The following CBL variants were observed in gnomAD, a reference collection of about 807,000 sequenced individuals.
CBL encodes the protein E3 ubiquitin-protein ligase CBL.
Under a neutral mutation model 96.9 loss-of-function variants are expected in CBL, and 45 were observed. The observed-to-expected ratio is 0.46, with a 90% CI of 0.37 to 0.60. CBL has a LOEUF of 0.60. Among genes scored for constraint, CBL ranks in the 20% least tolerant of loss-of-function variants. The pLI, the probability that CBL is intolerant of heterozygous loss-of-function variation, is 0.00. For synonymous variants in CBL, 420 were observed against 426.8 expected, an observed-to-expected ratio of 0.98 and a Z score of 0.20; for missense variants, 1,024 against 1,143.5, an observed-to-expected ratio of 0.90 and a Z score of 1.51.
At chr11:119,258,705 T>G (rs1204973405) in intron 2 of CBL, among the ~76,000 whole-genome samples, 1 of 152,248 alleles carries the variant, frequency 6.6e-6, no homozygotes. Flanking sequence ...TGATGTTGGG[T>G]AATGTCATGC....
intron 1 of CBL, among the ~76,000 whole-genome samples, chr11:119,215,139 G>C (rs530467672): frequency 1.3e-5 from 2 of 152,028 alleles, no homozygotes; most frequent in Non-Finnish European, 2.9e-5. Context: ...AGTAGAGTTA[G>C]ACCAGGGAAG....
chr11:119,259,762 C>T (rs915821077), intron 2 of CBL, among the ~76,000 whole-genome samples: 14 of 152,142 alleles, frequency 9.2e-5, no homozygotes, highest in Admixed American at 8.5e-4. Flanking sequence ...TAGGTGAGAA[C>T]AACTAAAAAA....
intron 4 of CBL, among the ~76,000 whole-genome samples, chr11:119,274,252 TCTC>T (rs1296591967): frequency 1.3e-5 from 2 of 152,170 alleles, no homozygotes; most frequent in South Asian, 2.1e-4. Context: ...ACTGCTTTCT[TCTC>T]CTCACATCTT....
intron 9 of CBL, among the ~76,000 whole-genome samples, chr11:119,280,064 A>G (rs1949921667): frequency 6.6e-6 from 1 of 152,240 alleles, no homozygotes; most frequent in African/African-American, 2.4e-5. Flanking sequence ...TTCCCTAGCC[A>G]TGTAGAAATG....
intron 2 of CBL, among the ~76,000 whole-genome samples, chr11:119,237,375 T>A (rs969580124): frequency 3.3e-5 from 5 of 152,234 alleles, no homozygotes; most frequent in Admixed American, 1.3e-4. Flanking sequence ...ATCTTTTCAC[T>A]TTCTTAACAG....
Position 119,285,423 on chromosome 11 carries a change from G to GT in CBL, c.1799dup (p.Ser601IlefsTer7). On this transcript the variant is annotated frameshift_variant, in exon 11 of 16. Transcript: ENST00000264033. LOFTEE classifies it high-confidence loss of function. ...GCCCCGGCCAATCCCCAAAGTACCAGTATCTGCCCCAAGTTCCAGTGATCC... is the reference window on the plus strand; with the variant it reads ...GCCCCGGCCAATCCCCAAAGTACCAGTTATCTGCCCCAAGTTCCAGTGATCC... The GT allele has an allele frequency of 6.2e-7, 1 of 1,614,160 alleles. No homozygotes were observed. The highest frequency in any genetic ancestry group is 8.5e-7 in the Non-Finnish European group (1 of 1,180,034).
intron 2 of CBL, among the ~76,000 whole-genome samples, chr11:119,264,846 C>G (rs1038481102): frequency 6.6e-6 from 1 of 152,130 alleles, no homozygotes; most frequent in African/African-American, 2.4e-5. Context: ...ATATACCAAT[C>G]TGCAATTAGC....
rs1950092633 is a variant in CBL at position 119,300,281 on chromosome 11, T to A, written c.*500T>A. 8.9e-6 allele frequency: 4 copies of A among 451,250 alleles called. No individual in the cohort carries two copies. The highest frequency in any genetic ancestry group is 1.6e-5 in the Non-Finnish European group (4 of 257,916). The allele number at this position is 451,250 out of a possible 1,614,324, so 28.0% of individuals were successfully genotyped here. ...TTTTTTTAAAGACTTCCATCTACTG[T>A]GGTATTATACCCAAGCCTAGTGTGT... On this transcript the variant is annotated 3_prime_UTR_variant, in exon 16 of 16. Transcript: ENST00000264033.
chr11:119,264,460 CTCTTTTCT>C lies in CBL; in HGVS notation c.444-7266_444-7259del, dbSNP rs1324656334. ...TCTCTTCTTTCTCTTCTCTTCTCTT[CTCTTTTCT>C]TCTTTTCTCTTTTCTTTTCTTTTCT... On this transcript the variant is annotated intron_variant, in intron 2 of 15. Transcript: ENST00000264033. Among the ~76,000 whole-genome samples, 192 of 140,198 alleles carry C rather than the reference CTCTTTTCT, an allele frequency of 1.4e-3. 2 individuals are homozygous for C. Among genetic ancestry groups the C allele is most frequent in the African/African-American group, 4.5e-3 (163 of 36,096 alleles). 92.0% of individuals were successfully genotyped at this position (140,198 alleles called of 152,430 possible).
chr11:119,268,714 G>A (rs891942620), intron 2 of CBL, among the ~76,000 whole-genome samples: 4 of 152,178 alleles, frequency 2.6e-5, no homozygotes, highest in Non-Finnish European at 5.9e-5. Flanking sequence ...CGCTTAAGAC[G>A]ATGGGGGAGA....
chr11:119,254,606 T>A (rs2135282913), intron 2 of CBL, among the ~76,000 whole-genome samples: 1 of 152,048 alleles, frequency 6.6e-6, no homozygotes, highest in South Asian at 2.1e-4. Context: ...TCTTTTTTTA[T>A]CTTTTTTTTT....
chr11:119,278,423 T>G (rs900727492), intron 8 of CBL, 87 bp from the exon 9 acceptor site: 27 of 1,546,626 alleles, frequency 1.7e-5, no homozygotes, highest in Non-Finnish European at 2.3e-5. Context: ...TTACTTTTTT[T>G]TGATCTCTAG....
chr11:119,298,923 G>A (rs1950081487), intron 15 of CBL, among the ~76,000 whole-genome samples: 1 of 152,190 alleles, frequency 6.6e-6, no homozygotes, highest in South Asian at 2.1e-4. Flanking sequence ...TGGGCCTGGA[G>A]CCAGCCCATG....
intron 2 of CBL, among the ~76,000 whole-genome samples, chr11:119,245,897 C>T (rs981069042): frequency 3.1e-5 from 4 of 130,822 alleles, no homozygotes; most frequent in Non-Finnish European, 6.4e-5. Flanking sequence ...ATTAACTAGT[C>T]TTTGGTATTT....
chr11:119,249,650 GTTTC>G (rs140871704), intron 2 of CBL, among the ~76,000 whole-genome samples: 40,484 of 148,806 alleles, frequency 0.27, 5,865 homozygotes, highest in South Asian at 0.59. Context: ...TTTTGGTACA[GTTTC>G]TTTCTTTCTT....
chr11:119,220,659 T>G (rs1332527354), intron 1 of CBL, among the ~76,000 whole-genome samples: 5 of 152,142 alleles, frequency 3.3e-5, no homozygotes, highest in Non-Finnish European at 5.9e-5. Flanking sequence ...AGAGCATACA[T>G]TGTATTGAAT....
intron 1 of CBL, among the ~76,000 whole-genome samples, chr11:119,220,909 T>G (rs1949402663): frequency 6.6e-6 from 1 of 152,110 alleles, no homozygotes. Context: ...TGACACTTTT[T>G]TTTTTCCTGT....
intron 2 of CBL, among the ~76,000 whole-genome samples, chr11:119,265,973 C>T (rs898684487): frequency 1.4e-5 from 2 of 139,900 alleles, no homozygotes; most frequent in Admixed American, 1.5e-4. Flanking sequence ...TGAGCCAAGA[C>T]GTGACACTGC....
chr11:119,206,778 C>T (rs1299797705), intron 1 of CBL, among the ~76,000 whole-genome samples, 166 bp downstream of exon 1: 1 of 17,736 alleles, frequency 5.6e-5, no homozygotes, highest in Non-Finnish European at 1.2e-4. Flanking sequence ...GGGACGAGGC[C>T]GGGAGGGTGG....
Sources: gnomAD v4.1 joint callset for allele counts (sites outside exome capture counted in the v4.1 genomes callset) on GRCh38, gnomAD v4.1.1 for gene constraint, MANE v1.5 for transcripts, NCBI Gene and HGNC (gene_info 2026-07-23, HGNC 2026-07-21) for gene names.